C6: variants seen among roughly 807,000 people sequenced by gnomAD.
The protein encoded by C6 is complement C6.
In C6, 101 loss-of-function variants were observed where a neutral mutation model predicts 112.9. That is an observed-to-expected ratio of 0.89 (90% CI 0.76 to 1.06). The LOEUF (loss-of-function observed/expected upper bound fraction) is 1.06. Among genes scored for constraint, C6 ranks in the 50% least tolerant of loss-of-function variants. The pLI is 0.00. For synonymous variants in C6, 431 were observed against 384.1 expected, an observed-to-expected ratio of 1.12 and a Z score of -1.43; for missense variants, 1,202 against 1,104.6, an observed-to-expected ratio of 1.09 and a Z score of -1.25.
At position 41,142,666 on chromosome 5, in the gene C6, G is replaced by C; in HGVS notation, c.*159C>G. ...CTGAATAAGACATGCCCAAACAGGA[G>C]AGTCAGGGGAGAATAATGATCTCAA... On this transcript the variant is annotated 3_prime_UTR_variant, in exon 18 of 18. Coordinates refer to ENST00000337836, the MANE Select transcript of C6 (RefSeq NM_000065.5). 1 of 668,050 alleles carries C rather than the reference G, an allele frequency of 1.5e-6. No homozygotes were observed. The highest frequency in any genetic ancestry group is 2.7e-5 in the East Asian group (1 of 36,568). The allele number at this position is 668,050 out of a possible 1,614,324, so 41.4% of individuals were successfully genotyped here.
At chr5:41,214,278 C>T (rs1752110728), upstream of C6, among the ~76,000 whole-genome samples, 1 of 152,072 alleles carries the variant, frequency 6.6e-6, no homozygotes, top group African/African-American at 2.4e-5. Context: ...GTTTTTCAAA[C>T]TTTTTTCAAA....
chr5:41,245,224 T>C (rs1740949252), intron 1 of C6, among the ~76,000 whole-genome samples: 1 of 152,128 alleles, frequency 6.6e-6, no homozygotes, highest in South Asian at 2.1e-4. Context: ...ACATTGGCAT[T>C]TTTTTCTTCC....
chr5:41,161,980 T>C, intron 9 of C6, 121 bp from the exon 10 acceptor site: 1 of 911,532 alleles, frequency 1.1e-6, no homozygotes, highest in Non-Finnish European at 1.7e-6. Context: ...TGTAGCTCCA[T>C]TAAGAAAGCT....
chr5:41,256,696 A>T lies in C6; in HGVS notation c.-21+4498T>A, dbSNP rs7731989. ...TATCCTGCCTCTAATGACCTCAATA[A>T]TGTTGCCAACTGCACCGTATTCCAA... On this transcript the variant is annotated intron_variant, in intron 1 of 17. Coordinates refer to the C6 transcript ENST00000263413. Among the ~76,000 whole-genome samples the T allele has an allele frequency of 5.7e-3, 861 of 152,270 alleles. 9 individuals carry two copies. The highest frequency in any genetic ancestry group is 0.02 in the African/African-American group (819 of 41,546).
chr5:41,178,631 A>G (rs1463350053), intron 7 of C6, among the ~76,000 whole-genome samples: 1 of 150,650 alleles, frequency 6.6e-6, no homozygotes, highest in African/African-American at 2.4e-5. Context: ...CCCCGCCACC[A>G]CGTCTGGCAA....
intron 11 of C6, chr5:41,159,467 A>G: frequency 1.0e-6 from 1 of 985,234 alleles, no homozygotes; most frequent in South Asian, 4.7e-5. Flanking sequence ...GCCTAAATAA[A>G]ATGGCAACAA....
At chr5:41,178,298 G>GCAAA (rs199800499) in intron 7 of C6, among the ~76,000 whole-genome samples, 2,798 of 152,148 alleles carry the variant, frequency 0.018, 27 homozygotes, top group Non-Finnish European at 0.024. Flanking sequence ...CTTGGAAACA[G>GCAAA]ACTGTTTGTC....
chr5:41,241,758 A>G (rs1740724571), intron 1 of C6, among the ~76,000 whole-genome samples: 1 of 152,214 alleles, frequency 6.6e-6, no homozygotes, highest in African/African-American at 2.4e-5. Flanking sequence ...GGATGCTACT[A>G]CATATAAAGC....
chr5:41,233,745 T>C (rs554910502), intron 1 of C6, among the ~76,000 whole-genome samples: 1 of 152,162 alleles, frequency 6.6e-6, no homozygotes, highest in South Asian at 2.1e-4. Context: ...CTTAGAAGAT[T>C]TGAAAGAAGA....
At chr5:41,207,027 C>A (rs143458930) in intron 1 of C6, among the ~76,000 whole-genome samples, 1 of 152,176 alleles carries the variant, frequency 6.6e-6, no homozygotes, top group Non-Finnish European at 1.5e-5. Flanking sequence ...AAGCAGTTCT[C>A]TCAGCAGAAA....
intron 4 of C6, among the ~76,000 whole-genome samples, chr5:41,197,607 A>T (rs1332526685): frequency 2.0e-5 from 3 of 152,186 alleles, no homozygotes; most frequent in African/African-American, 4.8e-5. Flanking sequence ...TCATTAGCTT[A>T]GCTTTGTGAG....
chr5:41,198,356 A>G (rs1750762284), intron 4 of C6, among the ~76,000 whole-genome samples: 1 of 152,196 alleles, frequency 6.6e-6, no homozygotes, highest in Admixed American at 6.5e-5. Flanking sequence ...GCAAAACAGT[A>G]TACCATCTTC....
intron 13 of C6, 73 bp downstream of exon 13, chr5:41,158,601 C>A: frequency 1.2e-6 from 1 of 809,968 alleles, no homozygotes; most frequent in South Asian, 1.4e-5. Context: ...AACAGTAACT[C>A]TAATTAAAAG....
At chr5:41,245,485 C>T (rs1211286097) in intron 1 of C6, among the ~76,000 whole-genome samples, 7 of 138,592 alleles carry the variant, frequency 5.1e-5, no homozygotes, top group African/African-American at 1.9e-4. Context: ...AGCACCATTG[C>T]ACTCCAGCCT....
intron 1 of C6, among the ~76,000 whole-genome samples, chr5:41,250,454 C>T (rs1430141224): frequency 6.6e-6 from 1 of 151,988 alleles, no homozygotes; most frequent in Non-Finnish European, 1.5e-5. Flanking sequence ...TATTTTAGAC[C>T]CTGGGATGAA....
chr5:41,230,819 T>A (rs1739853179), intron 1 of C6, among the ~76,000 whole-genome samples: 1 of 152,164 alleles, frequency 6.6e-6, no homozygotes. Flanking sequence ...TTCCTCTCTT[T>A]GTATGCTTTC....
At chr5:41,153,288 C>T (rs1746584400) in intron 15 of C6, among the ~76,000 whole-genome samples, 1 of 152,146 alleles carries the variant, frequency 6.6e-6, no homozygotes, top group South Asian at 2.1e-4. Context: ...TTTCCTATTT[C>T]TCAGTTTGGA....
Position 41,213,432 on chromosome 5 carries a change from A to T in C6, c.-77T>A. On this transcript the variant is annotated 5_prime_UTR_variant, in exon 1 of 18. Transcript: ENST00000337836. ...TAAGCTGCAAATTATTGGGGAAAAA[A>T]TAGGTATGCAGAATGAAGAGGGTAT... is the stretch of plus-strand genomic sequence containing the variant. 1 of 985,390 alleles carries T rather than the reference A, an allele frequency of 1.0e-6. No individual in the cohort carries two copies. The highest frequency in any genetic ancestry group is 1.2e-6 in the Non-Finnish European group (1 of 829,910). 61.0% of individuals were successfully genotyped at this position (985,390 alleles called of 1,614,324 possible). A position where few individuals can be genotyped will look rare whatever the true frequency, so the allele number is the denominator to read the frequency against.
chr5:41,186,617 T>C (rs1480009556), intron 5 of C6, among the ~76,000 whole-genome samples: 1 of 152,100 alleles, frequency 6.6e-6, no homozygotes, highest in Non-Finnish European at 1.5e-5. Flanking sequence ...AATAAAATAG[T>C]AACAGCAATA....
Sources: gnomAD v4.1 joint callset for allele counts (sites outside exome capture counted in the v4.1 genomes callset) on GRCh38, gnomAD v4.1.1 for gene constraint, MANE v1.5 for transcripts, NCBI Gene and HGNC (gene_info 2026-07-23, HGNC 2026-07-21) for gene names.